Variants in ARHGEF26 observed in about 807,000 individuals in gnomAD.
ARHGEF26 encodes Rho guanine nucleotide exchange factor (GEF) 26.
Under a neutral mutation model 89.4 loss-of-function variants are expected in ARHGEF26, and 59 were observed. The observed-to-expected ratio is 0.66, with a 90% CI of 0.54 to 0.82. ARHGEF26 has a LOEUF of 0.82. Ranked by LOEUF, ARHGEF26 falls within the 40% of genes least tolerant of loss-of-function variation. The pLI is 0.00. For synonymous variants in ARHGEF26, 500 were observed against 428.4 expected, an observed-to-expected ratio of 1.17 and a Z score of -2.06; for missense variants, 1,234 against 1,085.6, an observed-to-expected ratio of 1.14 and a Z score of -1.92.
chr3:154,148,532 G>T (rs1374525062), intron 4 of ARHGEF26, among the ~76,000 whole-genome samples: 4 of 146,358 alleles, frequency 2.7e-5, no homozygotes, highest in Non-Finnish European at 3.0e-5. Context: ...TGTGTAGGTC[G>T]CTAAGCCCAG....
chr3:154,125,307 A>G (rs1049678811), intron 3 of ARHGEF26, among the ~76,000 whole-genome samples: 1 of 152,212 alleles, frequency 6.6e-6, no homozygotes, highest in African/African-American at 2.4e-5. Flanking sequence ...TTTTATAAAG[A>G]TGAGTTTCCC....
chr3:154,240,100 T>TA (rs1717399706), intron 11 of ARHGEF26, among the ~76,000 whole-genome samples: 1 of 152,174 alleles, frequency 6.6e-6, no homozygotes, highest in Non-Finnish European at 1.5e-5. Flanking sequence ...GATCACTTAT[T>TA]ATAACAGTTC....
chr3:154,256,577 C>CAAAAAAA lies in ARHGEF26; in HGVS notation c.*1104_*1105insAAAAAAA, dbSNP rs1718524558. 7.5e-6 allele frequency: 1 copy of CAAAAAAA among 133,088 alleles called. No individual in the cohort carries two copies. The highest frequency in any genetic ancestry group is 9.4e-5 in the African/African-American group (1 of 10,694). 8.2% of individuals were successfully genotyped at this position (133,088 alleles called of 1,614,324 possible). A position where few individuals can be genotyped will look rare whatever the true frequency, so the allele number is the denominator to read the frequency against. ...AAAAAAAAAAAAAAAAAAAAAAAAC[C>CAAAAAAA]TTCCCAAATGAGCTGATAAAAAACT... On this transcript the variant is annotated 3_prime_UTR_variant, in exon 15 of 15. Transcript: ENST00000465093.
chr3:154,137,339 C>A (rs922654863), intron 4 of ARHGEF26, among the ~76,000 whole-genome samples: 3 of 152,282 alleles, frequency 2.0e-5, no homozygotes, highest in Middle Eastern at 6.8e-3. Flanking sequence ...CACTTCGGGG[C>A]TCTTCAGAGT....
intron 6 of ARHGEF26, among the ~76,000 whole-genome samples, chr3:154,178,529 G>A (rs1712975221): frequency 6.6e-6 from 1 of 152,114 alleles, no homozygotes; most frequent in Admixed American, 6.5e-5. Flanking sequence ...CTTTTACCTA[G>A]CATAAAGTTT....
At chr3:154,234,004 A>T (rs976354364) in intron 11 of ARHGEF26, among the ~76,000 whole-genome samples, 2 of 152,262 alleles carry the variant, frequency 1.3e-5, no homozygotes, top group African/African-American at 2.4e-5. Context: ...GCCAAAAATC[A>T]TATGAATATC....
intron 9 of ARHGEF26, among the ~76,000 whole-genome samples, chr3:154,201,194 C>T (rs1057159808): frequency 1.1e-4 from 17 of 150,226 alleles, no homozygotes; most frequent in African/African-American, 4.2e-4. Context: ...TGATGTTCCC[C>T]TTCATGTGTC....
Position 154,186,752 on chromosome 3 carries a change from G to A in ARHGEF26, c.1488-933G>A, listed in dbSNP as rs184382134. ...ACTCCAGCCTGGGTGACAGAGTGAG[G>A]CCCTTTCTCAGAAGAAAGAAAGAAA... On this transcript the variant is annotated intron_variant, in intron 6 of 14. Transcript: ENST00000465093. Among the ~76,000 whole-genome samples, 50 of 151,806 alleles carry A rather than the reference G, an allele frequency of 3.3e-4. No homozygotes were observed. In the East Asian group the frequency reaches 5.2e-3, roughly 16 times the overall value.
intron 3 of ARHGEF26, among the ~76,000 whole-genome samples, chr3:154,125,799 A>G (rs759038199): frequency 3.3e-5 from 5 of 152,046 alleles, no homozygotes; most frequent in Non-Finnish European, 7.4e-5. Flanking sequence ...ATGTACATAC[A>G]TATGTACATG....
intron 10 of ARHGEF26, among the ~76,000 whole-genome samples, chr3:154,224,030 T>C (rs987332639): frequency 6.6e-6 from 1 of 152,078 alleles, no homozygotes; most frequent in Admixed American, 6.5e-5. Flanking sequence ...TCAGTACTAT[T>C]TAGGATAGTA....
At chr3:154,218,056 C>A in intron 10 of ARHGEF26, 98 bp downstream of exon 10, 2 of 1,115,910 alleles carry the variant, frequency 1.8e-6, no homozygotes, top group Non-Finnish European at 1.3e-6. Flanking sequence ...AATTGCTTTT[C>A]AAAGAAGGGT....
chr3:154,245,853 G>A (rs887902335), intron 12 of ARHGEF26, among the ~76,000 whole-genome samples: 2 of 152,168 alleles, frequency 1.3e-5, no homozygotes, highest in Non-Finnish European at 2.9e-5. Context: ...GGATGTAGCA[G>A]TGAACCATAC....
rs1032909629 is a variant in ARHGEF26, at chr3:154,122,657, C to T, written c.665C>T (p.Ser222Phe). Residue 222 changes from serine to phenylalanine, a missense_variant, in exon 2 of 15, where the codon TCC (serine) becomes TTC (phenylalanine). Physicochemically the swap from Ser to Phe is radical, Grantham distance 155. Transcript: ENST00000465093. Reference protein sequence around the residue: ...EQKLPLQRLPSQENELLENPS... With the variant: ...EQKLPLQRLPFQENELLENPS... Reference sequence around the variant, plus strand: ...AAACTCCCCCTCCAAAGGCTGCCCTCCCAGGAGAACGAGCTCCTCGAGAAT... The same window carrying T: ...AAACTCCCCCTCCAAAGGCTGCCCTTCCAGGAGAACGAGCTCCTCGAGAAT... 1 of 1,613,916 alleles carries T rather than the reference C, an allele frequency of 6.2e-7. No individual in the cohort carries two copies. The highest frequency in any genetic ancestry group is 2.2e-5 in the East Asian group (1 of 44,884).
intron 10 of ARHGEF26, among the ~76,000 whole-genome samples, chr3:154,221,523 G>A (rs1351617865): frequency 6.6e-6 from 1 of 152,102 alleles, no homozygotes; most frequent in Non-Finnish European, 1.5e-5. Flanking sequence ...CACACACTGA[G>A]CTATTATTAT....
chr3:154,185,298 G>C (rs1345746183), intron 6 of ARHGEF26, among the ~76,000 whole-genome samples: 1 of 152,068 alleles, frequency 6.6e-6, no homozygotes, highest in East Asian at 1.9e-4. Flanking sequence ...TAAGGTTTCA[G>C]CCCACAATAC....
In ARHGEF26 at chr3:154,122,455, C is replaced by T; in HGVS notation, c.463C>T (p.Pro155Ser). 6.2e-7 allele frequency: 1 copy of T among 1,612,214 alleles called. No individual in the cohort carries two copies. Among genetic ancestry groups the T allele is most frequent in the Non-Finnish European group, 8.5e-7 (1 of 1,179,624 alleles). Residue 155 changes from proline to serine, a missense_variant, in exon 2 of 15, where the codon CCC (proline) becomes TCC (serine). By Grantham distance (74) the Pro-to-Ser change is moderately conservative. Coordinates refer to ENST00000465093, the MANE Select transcript of ARHGEF26 (RefSeq NM_015595.4). Reference protein sequence around the residue: ...RPPRTPNAPAPCTPEEDLTGL... With the variant: ...RPPRTPNAPASCTPEEDLTGL... ...CCCGCGGACTCCTAACGCGCCCGCC[C>T]CCTGCACCCCCGAGGAGGACCTTAC...
intron 8 of ARHGEF26, among the ~76,000 whole-genome samples, chr3:154,192,498 G>A (rs1234013847): frequency 1.3e-5 from 2 of 152,130 alleles, no homozygotes; most frequent in African/African-American, 4.8e-5. Flanking sequence ...AGTTTACTTC[G>A]ATCTACTGCC....
In ARHGEF26 at chr3:154,151,088, AAAG is replaced by A. The variant is rs1431527284; in HGVS notation, c.1326+1647_1326+1649del. ...AGTAAGGAGTGAGCAGAGTGGGGGA[AAAG>A]AAGGAATGAAGTGACTTTGGACAGC... On this transcript the variant is annotated intron_variant, in intron 5 of 14. Transcript: ENST00000465093. 3.9e-5 allele frequency among the ~76,000 whole-genome samples: 6 copies of A among 152,300 alleles called. No homozygotes were observed. In the East Asian group the frequency reaches 1.2e-3, roughly 29 times the overall value.
chr3:154,128,601 C>G (rs1718479462), intron 3 of ARHGEF26, among the ~76,000 whole-genome samples: 1 of 152,190 alleles, frequency 6.6e-6, no homozygotes, highest in Admixed American at 6.5e-5. Flanking sequence ...TGCAGTCCTC[C>G]TTGCTGCTCT....
Sources: allele counts gnomAD v4.1 joint callset (sites outside exome capture counted in the v4.1 genomes callset), GRCh38; gene constraint gnomAD v4.1.1; transcripts MANE v1.5; gene names NCBI Gene and HGNC (gene_info 2026-07-23, HGNC 2026-07-21).